The following UGT1A10 variants were observed in gnomAD, a reference collection of about 807,000 sequenced individuals.
The protein encoded by UGT1A10 is UDP-glucuronosyltransferase 1A10.
In UGT1A10, 49 loss-of-function variants were observed where a neutral mutation model predicts 45.8. That is an observed-to-expected ratio of 1.07 (90% CI 0.85 to 1.36). The LOEUF is 1.36. UGT1A10 is among the 40% of genes most tolerant of loss of function. UGT1A10 has a pLI of 0.00. For synonymous variants in UGT1A10, 284 were observed against 249.7 expected (o/e 1.14, Z -1.29); for missense variants, 745 against 668.6 (o/e 1.11, Z -1.26).
intron 1 of UGT1A10, among the ~76,000 whole-genome samples, chr2:233,698,248 C>A (rs1559349611): frequency 6.6e-6 from 1 of 152,096 alleles, no homozygotes; most frequent in Non-Finnish European, 1.5e-5. Flanking sequence ...AATAGAATTT[C>A]TTTTGTCCAA....
intron 1 of UGT1A10, chr2:233,761,004 G>A: frequency 6.2e-7 from 1 of 1,614,118 alleles, no homozygotes; most frequent in African/African-American, 1.3e-5. Flanking sequence ...AATTCCTTCA[G>A]AGAGAGGTGA....
At position 233,769,958 on chromosome 2, in the gene UGT1A10, G is replaced by T. The variant is rs1575848035; in HGVS notation, c.1295+1519G>T. 1 of 216,598 alleles carries T rather than the reference G, an allele frequency of 4.6e-6. No individual in the cohort carries two copies. The highest frequency in any genetic ancestry group is 1.1e-4 in the South Asian group (1 of 9,406). The allele number at this position is 216,598 out of a possible 1,614,324, so 13.4% of individuals were successfully genotyped here. On this transcript the variant is annotated intron_variant, in intron 4 of 4. Coordinates refer to ENST00000344644, the MANE Select transcript of UGT1A10 (RefSeq NM_019075.4). The surrounding 1 kb of genome is among the most constrained non-coding windows in gnomAD (Gnocchi z 4.4). Reference sequence around the variant, plus strand: ...TTCCTTCCTTCCAGCGGCTTCTTCTGGCCACCTCAATGTCAGGATGTCCTG... The same window carrying T: ...TTCCTTCCTTCCAGCGGCTTCTTCTTGCCACCTCAATGTCAGGATGTCCTG...
chr2:233,710,571 C>T (rs554761424), intron 1 of UGT1A10, among the ~76,000 whole-genome samples: 17 of 152,284 alleles, frequency 1.1e-4, no homozygotes, highest in Admixed American at 9.8e-4. Context: ...AAAAGGTGCC[C>T]TTTCAAAATC....
chr2:233,643,226 T>C (rs994277207), intron 1 of UGT1A10, among the ~76,000 whole-genome samples: 1 of 152,214 alleles, frequency 6.6e-6, no homozygotes, highest in African/African-American at 2.4e-5. Flanking sequence ...TTCCACCTGG[T>C]ATTTTATTGT....
intron 1 of UGT1A10, among the ~76,000 whole-genome samples, chr2:233,703,091 G>A (rs1243332087): frequency 6.6e-6 from 1 of 152,122 alleles, no homozygotes; most frequent in Non-Finnish European, 1.5e-5. Context: ...TTTTCTTGCA[G>A]GAGGTTTTAA....
intron 1 of UGT1A10, among the ~76,000 whole-genome samples, chr2:233,652,934 T>C (rs555464206): frequency 3.2e-4 from 48 of 152,344 alleles, no homozygotes; most frequent in Non-Finnish European, 6.5e-4. Context: ...CACATTGTTG[T>C]GTATGAGAAA....
chr2:233,714,402 T>C (rs1318468382), intron 1 of UGT1A10, among the ~76,000 whole-genome samples: 1 of 152,160 alleles, frequency 6.6e-6, no homozygotes, highest in Non-Finnish European at 1.5e-5. Context: ...GTAGGTGCAA[T>C]GGATGTCTGT....
In UGT1A10 at chr2:233,722,855, T is replaced by G. The variant is rs537122940; in HGVS notation, c.856-44179T>G. Among the ~76,000 whole-genome samples, 9 of 127,428 alleles carry G rather than the reference T, an allele frequency of 7.1e-5. No individual in the cohort carries two copies. The South Asian group carries it at 1.9e-3, about 27-fold the overall frequency. 83.6% of individuals were successfully genotyped at this position (127,428 alleles called of 152,430 possible). A position where few individuals can be genotyped will look rare whatever the true frequency, so the allele number is the denominator to read the frequency against. On this transcript the variant is annotated intron_variant, in intron 1 of 4. Coordinates refer to ENST00000344644, the MANE Select transcript of UGT1A10 (RefSeq NM_019075.4). ...ATAATAAGAATGTTTCTTTTTTTTTTTTTTGAAGGAAAAAATAAATTTATT... is the reference window on the plus strand; with the variant it reads ...ATAATAAGAATGTTTCTTTTTTTTTGTTTTGAAGGAAAAAATAAATTTATT...
intron 1 of UGT1A10, among the ~76,000 whole-genome samples, chr2:233,756,852 C>T (rs11568318): frequency 6.6e-5 from 10 of 152,088 alleles, no homozygotes; most frequent in East Asian, 1.9e-4. Flanking sequence ...AACATTCTAA[C>T]GGTTCATAAA....
chr2:233,760,577 A>G (rs1222761790), intron 1 of UGT1A10: 2 of 1,614,128 alleles, frequency 1.2e-6, no homozygotes, highest in Non-Finnish European at 1.7e-6. Context: ...AGTCTCGGGC[A>G]TAATGTTTTT....
At chr2:233,691,112 C>G (rs1240523008) in intron 1 of UGT1A10, 1 of 985,862 alleles carries the variant, frequency 1.0e-6, no homozygotes, top group Non-Finnish European at 1.2e-6. Context: ...TTCCTACATG[C>G]TTGCTTAAGC....
chr2:233,690,078 A>G (rs773833099), intron 1 of UGT1A10, among the ~76,000 whole-genome samples: 14 of 152,174 alleles, frequency 9.2e-5, no homozygotes, highest in Non-Finnish European at 1.8e-4. Flanking sequence ...CAGCCTATCA[A>G]ATAGATTAAA....
chr2:233,680,383 C>T (rs1194810874), intron 1 of UGT1A10, among the ~76,000 whole-genome samples: 2 of 152,138 alleles, frequency 1.3e-5, no homozygotes, highest in Non-Finnish European at 2.9e-5. Flanking sequence ...TAGCTCCCTG[C>T]AATAGCAACA....
At chr2:233,699,062 C>T (rs143445197) in intron 1 of UGT1A10, among the ~76,000 whole-genome samples, 89 of 152,320 alleles carry the variant, frequency 5.8e-4, no homozygotes, top group Non-Finnish European at 1.1e-3. Flanking sequence ...TTATCCCAGC[C>T]CTGCCCAGGG....
chr2:233,675,349 G>T (rs961203435), intron 1 of UGT1A10, among the ~76,000 whole-genome samples: 3 of 152,174 alleles, frequency 2.0e-5, no homozygotes, highest in Admixed American at 6.6e-5. Context: ...GCAGAACATT[G>T]AAATAGTTTT....
At chr2:233,666,697 G>A (rs1173740334) in intron 1 of UGT1A10, among the ~76,000 whole-genome samples, 4 of 151,628 alleles carry the variant, frequency 2.6e-5, no homozygotes, top group Non-Finnish European at 5.9e-5. Context: ...TGTGCACAAT[G>A]TGCAGGTTAG....
rs767607575 is a variant in UGT1A10, at chr2:233,760,238, A to G, written c.856-6796A>G. ...GTGTATCGATTGGTTTTTGCCATATATATATATATAAGTAGGAGAGGGCGA... is the reference window on the plus strand; with the variant it reads ...GTGTATCGATTGGTTTTTGCCATATGTATATATATAAGTAGGAGAGGGCGA... On this transcript the variant is annotated intron_variant, in intron 1 of 4. Transcript: ENST00000344644. The G allele has an allele frequency of 3.7e-6, 6 of 1,606,676 alleles. No homozygotes were observed. Among genetic ancestry groups the G allele is most frequent in the Admixed American group, 3.3e-5 (2 of 59,932 alleles).
At chr2:233,746,687 C>T (rs192486679) in intron 1 of UGT1A10, among the ~76,000 whole-genome samples, 86 of 151,912 alleles carry the variant, frequency 5.7e-4, no homozygotes, top group Non-Finnish European at 1.1e-3. Context: ...AGGGCTCACA[C>T]ATTCCATAAA....
At chr2:233,664,430 A>G (rs1238543347) in intron 1 of UGT1A10, among the ~76,000 whole-genome samples, 1 of 152,212 alleles carries the variant, frequency 6.6e-6, no homozygotes, top group African/African-American at 2.4e-5. Flanking sequence ...TTACGTTGCC[A>G]TAAAGGAATG....
Sources: allele counts gnomAD v4.1 joint callset (sites outside exome capture counted in the v4.1 genomes callset), GRCh38; gene constraint gnomAD v4.1.1; non-coding constraint Gnocchi (gnomAD v3.1); transcripts MANE v1.5; gene names NCBI Gene and HGNC (gene_info 2026-07-23, HGNC 2026-07-21).